The following CACNA2D1 variants were observed in gnomAD, a reference collection of about 807,000 sequenced individuals.
The protein encoded by CACNA2D1 is calcium voltage-gated channel auxiliary subunit alpha2delta 1, also known as voltage-dependent calcium channel subunit alpha-2/delta-1.
Under a neutral mutation model 171.5 loss-of-function variants are expected in CACNA2D1, and 53 were observed. The observed-to-expected ratio is 0.31, with a 90% confidence interval of 0.25 to 0.39. The LOEUF (loss-of-function observed/expected upper bound fraction) is 0.39, where lower values mean the gene tolerates loss of function less well. Among genes scored for constraint, CACNA2D1 ranks in the 10% least tolerant of loss-of-function variants. The probability of loss-of-function intolerance (pLI) is 1.00; values close to 1 mark genes in which losing one functional copy is unlikely to be tolerated. For missense variants in CACNA2D1, 903 were observed against 1,299.8 expected (o/e 0.69, Z 4.69); for synonymous variants, 442 against 443.1 (o/e 1.00, Z 0.03).
At chr7:82,285,964 G>A (rs1810707687) in intron 3 of CACNA2D1, among the ~76,000 whole-genome samples, 1 of 152,138 alleles carries the variant, frequency 6.6e-6, no homozygotes, top group African/African-American at 2.4e-5. Flanking sequence ...AATTACTCCT[G>A]AGGAACTGAA....
intron 2 of CACNA2D1, among the ~76,000 whole-genome samples, chr7:82,344,515 C>T (rs895396578): frequency 3.9e-5 from 6 of 152,068 alleles, no homozygotes; most frequent in African/African-American, 7.2e-5. Context: ...GAAAGTCACC[C>T]TAAAATTAGA....
chr7:82,118,214 T>G (rs906741498), intron 5 of CACNA2D1, among the ~76,000 whole-genome samples: 3 of 152,150 alleles, frequency 2.0e-5, no homozygotes, highest in Non-Finnish European at 4.4e-5. Flanking sequence ...GAACTATACT[T>G]TTGATACTGA....
intron 12 of CACNA2D1, among the ~76,000 whole-genome samples, chr7:82,017,377 T>C (rs1479208294): frequency 6.6e-6 from 1 of 152,178 alleles, no homozygotes; most frequent in Non-Finnish European, 1.5e-5. Context: ...TACATAAGAA[T>C]TTTAACTTCA....
chr7:82,145,269 T>C (rs1401262956), intron 4 of CACNA2D1, among the ~76,000 whole-genome samples: 1 of 144,864 alleles, frequency 6.9e-6, no homozygotes, highest in Non-Finnish European at 1.5e-5. Context: ...ATATAAAATA[T>C]ATAAAATAAA....
rs1335456501 is a variant in CACNA2D1 at position 82,111,451 on chromosome 7, T to A, written c.526+5593A>T. 7.7e-3 allele frequency among the ~76,000 whole-genome samples: 1,045 copies of A among 135,278 alleles called. 58 individuals carry two copies. The highest frequency in any genetic ancestry group is 0.025 in the African/African-American group (905 of 35,942). 88.7% of individuals were successfully genotyped at this position (135,278 alleles called of 152,430 possible). ...GTGTATATATATATATATATTTTTT[T>A]TTTTTTTTTTTTTTGAGACAGGGTC... On this transcript the variant is annotated intron_variant, in intron 6 of 38. Coordinates refer to ENST00000356860, the MANE Select transcript of CACNA2D1 (RefSeq NM_000722.4).
At chr7:82,117,772 C>A (rs928360868) in intron 5 of CACNA2D1, among the ~76,000 whole-genome samples, 6 of 152,032 alleles carry the variant, frequency 3.9e-5, no homozygotes, top group African/African-American at 1.2e-4. Flanking sequence ...CAAAGTGAGA[C>A]CCTGCCTCAA....
At chr7:82,391,486 T>C (rs1303726440) in intron 1 of CACNA2D1, among the ~76,000 whole-genome samples, 1 of 152,222 alleles carries the variant, frequency 6.6e-6, no homozygotes, top group East Asian at 1.9e-4. Context: ...ATTTTAATTA[T>C]TCATGTTATA....
chr7:82,437,776 G>A (rs1291113350), intron 1 of CACNA2D1, among the ~76,000 whole-genome samples: 5 of 152,024 alleles, frequency 3.3e-5, no homozygotes, highest in Non-Finnish European at 7.4e-5. Context: ...CTGATTCTAT[G>A]TACTGAATTA....
At chr7:82,199,557 A>G (rs1375506552) in intron 3 of CACNA2D1, among the ~76,000 whole-genome samples, 2 of 152,132 alleles carry the variant, frequency 1.3e-5, no homozygotes, top group Non-Finnish European at 2.9e-5. Context: ...TTGCTTCTGA[A>G]CACTTCATCT....
chr7:82,123,487 A>G (rs566568224), intron 5 of CACNA2D1, among the ~76,000 whole-genome samples: 192 of 152,336 alleles, frequency 1.3e-3, no homozygotes, highest in African/African-American at 4.4e-3. Context: ...GGAGAGAATA[A>G]TGGATAGATG....
Position 82,220,989 on chromosome 7 carries a change from T to C in CACNA2D1, c.295-50380A>G, listed in dbSNP as rs566640710. 1.5e-3 allele frequency among the ~76,000 whole-genome samples: 226 copies of C among 152,252 alleles called. 3 individuals carry two copies. The highest frequency in any genetic ancestry group is 5.2e-3 in the African/African-American group (217 of 41,562). ...CAGGGTTTCACGATGTTGGCCAGACTGGTCTCAAACTCCTGACCTCGCATG... is the reference window on the plus strand; with the variant it reads ...CAGGGTTTCACGATGTTGGCCAGACCGGTCTCAAACTCCTGACCTCGCATG... On this transcript the variant is annotated intron_variant, in intron 3 of 38. Transcript: ENST00000356860.
intron 4 of CACNA2D1, among the ~76,000 whole-genome samples, chr7:82,141,383 A>G (rs537576648): frequency 3.9e-5 from 6 of 152,184 alleles, no homozygotes; most frequent in African/African-American, 1.4e-4. Flanking sequence ...TTAAAAAAAA[A>G]AATGAAGTTA....
At chr7:82,135,588 G>T (rs1199198465) in intron 5 of CACNA2D1, among the ~76,000 whole-genome samples, 1 of 152,098 alleles carries the variant, frequency 6.6e-6, no homozygotes, top group African/African-American at 2.4e-5. Flanking sequence ...GTGTAAAGTG[G>T]TTAGTAGTAT....
chr7:82,002,551 A>G (rs1401080533), intron 18 of CACNA2D1, among the ~76,000 whole-genome samples: 2 of 152,238 alleles, frequency 1.3e-5, no homozygotes, highest in South Asian at 2.1e-4. Flanking sequence ...GAATGTAACC[A>G]TAACAGTGTA....
chr7:81,999,512 C>A (rs1798377096), intron 18 of CACNA2D1, among the ~76,000 whole-genome samples: 1 of 152,094 alleles, frequency 6.6e-6, no homozygotes, highest in Non-Finnish European at 1.5e-5. Context: ...GAAATAATTA[C>A]TAGATAGTAT....
At chr7:82,129,345 T>G (rs1790691423) in intron 5 of CACNA2D1, among the ~76,000 whole-genome samples, 1 of 152,218 alleles carries the variant, frequency 6.6e-6, no homozygotes, top group South Asian at 2.1e-4. Flanking sequence ...CCTTGATGAT[T>G]ATATCTGATA....
chr7:82,014,388 A>G lies in CACNA2D1; in HGVS notation c.1222+13T>C, dbSNP rs1401101352. 2 of 1,422,464 alleles carry G rather than the reference A, an allele frequency of 1.4e-6. No individual in the cohort carries two copies. Among genetic ancestry groups the G allele is most frequent in the Non-Finnish European group, 2.0e-6 (2 of 1,005,522 alleles). The allele number at this position is 1,422,464 out of a possible 1,614,324, so 88.1% of individuals were successfully genotyped here. A position where few individuals can be genotyped will look rare whatever the true frequency, so the allele number is the denominator to read the frequency against. ...TTTTCTTCTAATTTATTAGAAGAAA[A>G]CAGATTTGTTACCTTTGTTTTCACA... is the stretch of plus-strand genomic sequence containing the variant. On this transcript the variant is annotated intron_variant, in intron 13 of 38. Coordinates refer to ENST00000356860, the MANE Select transcript of CACNA2D1 (RefSeq NM_000722.4).
chr7:81,989,150 T>C (rs967964828), intron 21 of CACNA2D1, among the ~76,000 whole-genome samples: 8 of 152,100 alleles, frequency 5.3e-5, no homozygotes, highest in African/African-American at 1.9e-4. Flanking sequence ...TGGGTGCCAG[T>C]GTTTATGTTG....
rs1206166910 is a variant in CACNA2D1 at position 81,947,338 on chromosome 7, T to C, written c.*3054A>G. On this transcript the variant is annotated 3_prime_UTR_variant, in exon 39 of 39. Transcript: ENST00000356860. The stretch of plus-strand genomic sequence containing the variant: ...GGAACACTGTTTTTTGTTTTTTTTT[T>C]TCCCAAGTTAAGCAGTAACACCTCA... 28 of 151,666 alleles carry C rather than the reference T, an allele frequency of 1.8e-4. No homozygotes were observed. The allele number at this position is 151,666 out of a possible 1,614,324, so 9.4% of individuals were successfully genotyped here.
Sources: gnomAD v4.1 joint callset for allele counts (sites outside exome capture counted in the v4.1 genomes callset) on GRCh38, gnomAD v4.1.1 for gene constraint, MANE v1.5 for transcripts, NCBI Gene and HGNC (gene_info 2026-07-23, HGNC 2026-07-21) for gene names.